The following TRHDE variants were observed in gnomAD, a reference collection of about 807,000 sequenced individuals.
The protein encoded by TRHDE is thyrotropin releasing hormone degrading enzyme.
Under a neutral mutation model 125.7 loss-of-function variants are expected in TRHDE, and 72 were observed. The ratio of observed to expected loss-of-function variants is 0.57; its 90% CI spans 0.47 to 0.70. The LOEUF (loss-of-function observed/expected upper bound fraction) is 0.70. Among genes scored for constraint, TRHDE ranks in the 30% least tolerant of loss-of-function variants. The pLI, the probability that TRHDE is intolerant of heterozygous loss-of-function variation, is 0.00. For missense variants in TRHDE, 1,110 were observed against 1,327.1 expected (o/e 0.84, Z 2.54); for synonymous variants, 509 against 509.1 (o/e 1.00, Z 0.00).
chr12:72,601,763 A>G (rs1015867093), intron 12 of TRHDE, among the ~76,000 whole-genome samples: 9 of 152,186 alleles, frequency 5.9e-5, no homozygotes, highest in Non-Finnish European at 1.2e-4. Flanking sequence ...ATTAATGTGT[A>G]TACATTCTTT....
At chr12:72,220,506 T>A (rs1349109258) in intron 2 of TRHDE, among the ~76,000 whole-genome samples, 1 of 152,080 alleles carries the variant, frequency 6.6e-6, no homozygotes, top group Non-Finnish European at 1.5e-5. Context: ...CAATTTCTTC[T>A]ATCATCACTT....
At chr12:72,607,288 A>G (rs1872485283) in intron 12 of TRHDE, among the ~76,000 whole-genome samples, 1 of 152,056 alleles carries the variant, frequency 6.6e-6, no homozygotes, top group Non-Finnish European at 1.5e-5. Flanking sequence ...ACAGGTTTAA[A>G]TTTTTGGCAA....
At chr12:72,511,421 T>C (rs951841275) in intron 6 of TRHDE, among the ~76,000 whole-genome samples, 48 of 152,316 alleles carry the variant, frequency 3.2e-4, no homozygotes, top group African/African-American at 1.1e-3. Context: ...CTGAGTGGTC[T>C]ACTGATACCT....
intron 2 of TRHDE, among the ~76,000 whole-genome samples, chr12:72,179,533 A>AT (rs1317069566): frequency 6.6e-6 from 1 of 152,010 alleles, no homozygotes; most frequent in East Asian, 1.9e-4. Flanking sequence ...TTTTCATGGC[A>AT]TCCCTACTTC....
intron 2 of TRHDE, among the ~76,000 whole-genome samples, chr12:72,216,912 C>G (rs951936719): frequency 6.6e-6 from 1 of 150,496 alleles, no homozygotes; most frequent in African/African-American, 2.4e-5. Flanking sequence ...AAATAGCAAC[C>G]TAACTTCATG....
At chr12:72,467,756 G>A (rs1030052978) in intron 3 of TRHDE, among the ~76,000 whole-genome samples, 1 of 152,080 alleles carries the variant, frequency 6.6e-6, no homozygotes, top group South Asian at 2.1e-4. Flanking sequence ...CGGAGGTTGC[G>A]GTGAGCCGAG....
intron 3 of TRHDE, among the ~76,000 whole-genome samples, chr12:72,453,746 A>G (rs1175480095): frequency 6.6e-6 from 1 of 152,206 alleles, no homozygotes; most frequent in East Asian, 1.9e-4. Flanking sequence ...TGCCCTGGGC[A>G]GCCTTGGGAC....
chr12:72,203,271 C>T (rs1287412183), intron 2 of TRHDE, among the ~76,000 whole-genome samples: 3 of 151,984 alleles, frequency 2.0e-5, no homozygotes, highest in Non-Finnish European at 2.9e-5. Flanking sequence ...ACCATCCTGG[C>T]GAACACGGTG....
chr12:72,333,732 T>C (rs1391059828), intron 2 of TRHDE, among the ~76,000 whole-genome samples: 1 of 152,206 alleles, frequency 6.6e-6, no homozygotes, highest in Non-Finnish European at 1.5e-5. Context: ...CACCATCAGA[T>C]TGAGCGAGTG....
chr12:72,502,307 T>C (rs1195642033), intron 6 of TRHDE, among the ~76,000 whole-genome samples: 1 of 152,120 alleles, frequency 6.6e-6, no homozygotes, highest in African/African-American at 2.4e-5. Flanking sequence ...AATTTTTTCC[T>C]AAGTGTACAA....
intron 2 of TRHDE, among the ~76,000 whole-genome samples, chr12:72,158,487 ATTGAT>A (rs1296434426): frequency 9.2e-5 from 14 of 151,640 alleles, no homozygotes; most frequent in Admixed American, 2.6e-4. Flanking sequence ...TCACCTTTTT[ATTGAT>A]TTATTAGTAT....
chr12:72,646,854 T>C (rs1028020586), intron 15 of TRHDE, among the ~76,000 whole-genome samples: 2 of 151,848 alleles, frequency 1.3e-5, no homozygotes, highest in African/African-American at 4.8e-5. Context: ...TTGACAGAAC[T>C]GAAGGGAGAA....
intron 2 of TRHDE, among the ~76,000 whole-genome samples, chr12:72,119,488 T>C (rs1199370722): frequency 6.6e-6 from 1 of 152,232 alleles, no homozygotes; most frequent in African/African-American, 2.4e-5. Context: ...ATCCATGTGC[T>C]GAGGAGAAGA....
intron 2 of TRHDE, among the ~76,000 whole-genome samples, chr12:72,292,870 A>T (rs1264741041): frequency 6.6e-6 from 1 of 152,234 alleles, no homozygotes; most frequent in Non-Finnish European, 1.5e-5. Context: ...AGCAACAAAA[A>T]GTAACCATTT....
chr12:72,099,886 G>A (rs945734123), intron 1 of TRHDE, among the ~76,000 whole-genome samples: 3 of 152,130 alleles, frequency 2.0e-5, no homozygotes, highest in Admixed American at 2.0e-4. Context: ...AACACCAATG[G>A]TAAGTCTTTA....
intron 3 of TRHDE, among the ~76,000 whole-genome samples, chr12:72,440,176 G>T: frequency 6.6e-6 from 1 of 151,914 alleles, no homozygotes; most frequent in East Asian, 1.9e-4. Flanking sequence ...TTTTGTTGAG[G>T]ATGTTTACAT....
At chr12:72,224,154 GTATGTATGTATGTATC>G (rs1457637494) in intron 2 of TRHDE, among the ~76,000 whole-genome samples, 4,987 of 37,628 alleles carry the variant, frequency 0.13, 123 homozygotes, top group South Asian at 0.23. Flanking sequence ...ATCTATGTAT[GTATGTATGTATGTATC>G]TATCTATCTA....
chr12:72,282,580 A>C (rs1360698348), intron 1 of TRHDE, among the ~76,000 whole-genome samples: 5 of 152,216 alleles, frequency 3.3e-5, no homozygotes, highest in Non-Finnish European at 5.9e-5. Flanking sequence ...AAGGTTGAAA[A>C]AGATGTTACA....
At chr12:72,295,410 T>G (rs1371634146) in intron 2 of TRHDE, among the ~76,000 whole-genome samples, 1 of 152,112 alleles carries the variant, frequency 6.6e-6, no homozygotes, top group African/African-American at 2.4e-5. Context: ...GATAGGAACA[T>G]GGTGTCTTCT....
Sources: gnomAD v4.1 joint callset for allele counts (sites outside exome capture counted in the v4.1 genomes callset) on GRCh38, gnomAD v4.1.1 for gene constraint, MANE v1.5 for transcripts, NCBI Gene and HGNC (gene_info 2026-07-23, HGNC 2026-07-21) for gene names.